CACNA2D1: variants seen among roughly 807,000 people sequenced by gnomAD.
CACNA2D1 encodes the protein voltage-dependent calcium channel subunit alpha-2/delta-1.
In CACNA2D1, 53 loss-of-function variants were observed where a neutral mutation model predicts 171.5. The ratio of observed to expected loss-of-function variants is 0.31; its 90% CI spans 0.25 to 0.39. The LOEUF (loss-of-function observed/expected upper bound fraction) is 0.39, where lower values mean the gene tolerates loss of function less well. Ranked by LOEUF, CACNA2D1 falls within the 10% of genes least tolerant of loss-of-function variation. The pLI, the probability that CACNA2D1 is intolerant of heterozygous loss-of-function variation, is 1.00. For synonymous variants in CACNA2D1, 442 were observed against 443.1 expected, an observed-to-expected ratio of 1.00 and a Z score of 0.03; for missense variants, 903 against 1,299.8, an observed-to-expected ratio of 0.69 and a Z score of 4.69.
At chr7:82,328,915 A>C (rs934803770) in intron 3 of CACNA2D1, among the ~76,000 whole-genome samples, 6 of 152,116 alleles carry the variant, frequency 3.9e-5, no homozygotes, top group African/African-American at 1.2e-4. Context: ...AAACATGATA[A>C]ATTTTGTATT....
intron 8 of CACNA2D1, 61 bp downstream of exon 8, chr7:82,066,394 T>C: frequency 2.5e-6 from 4 of 1,592,808 alleles, no homozygotes; most frequent in Non-Finnish European, 3.4e-6. Flanking sequence ...ATTCTGACTT[T>C]TTAGCAAATA....
At chr7:82,037,019 T>C (rs182437396) in intron 11 of CACNA2D1, among the ~76,000 whole-genome samples, 70 of 152,268 alleles carry the variant, frequency 4.6e-4, no homozygotes, top group Non-Finnish European at 8.4e-4. Context: ...CTCTAATGCA[T>C]ACAAGTGGAA....
At chr7:81,976,099 A>G (rs1335077175) in intron 24 of CACNA2D1, among the ~76,000 whole-genome samples, 1 of 152,060 alleles carries the variant, frequency 6.6e-6, no homozygotes, top group East Asian at 1.9e-4. Flanking sequence ...TAGCACTTCT[A>G]GTTTTATCAC....
intron 1 of CACNA2D1, among the ~76,000 whole-genome samples, chr7:82,375,106 G>C (rs928511118): frequency 8.5e-5 from 13 of 152,102 alleles, no homozygotes; most frequent in Admixed American, 2.6e-4. Context: ...ACTCCCTCCT[G>C]GAGTCAGAGA....
chr7:82,397,492 TAAC>T (rs571192419), intron 1 of CACNA2D1, among the ~76,000 whole-genome samples: 13 of 152,194 alleles, frequency 8.5e-5, no homozygotes, highest in Non-Finnish European at 1.9e-4. Context: ...TGATTATTCT[TAAC>T]AATATTCATT....
At chr7:82,292,624 A>T (rs537866566) in intron 3 of CACNA2D1, among the ~76,000 whole-genome samples, 25 of 152,282 alleles carry the variant, frequency 1.6e-4, no homozygotes, top group African/African-American at 5.5e-4. Flanking sequence ...GTTATTAAAA[A>T]GTCTACTGCC....
chr7:81,957,863 A>C (rs973674742), intron 38 of CACNA2D1, among the ~76,000 whole-genome samples: 5 of 152,094 alleles, frequency 3.3e-5, no homozygotes, highest in Admixed American at 2.0e-4. Context: ...AGCCTCCTAG[A>C]ATAATATTTT....
At chr7:82,141,244 G>T (rs771887312) in intron 4 of CACNA2D1, among the ~76,000 whole-genome samples, 4 of 151,948 alleles carry the variant, frequency 2.6e-5, no homozygotes, top group Non-Finnish European at 5.9e-5. Context: ...TAACAGAATT[G>T]GGAAAGGACA....
chr7:82,272,320 T>A (rs1808742199), intron 3 of CACNA2D1, among the ~76,000 whole-genome samples: 1 of 152,142 alleles, frequency 6.6e-6, no homozygotes, highest in Non-Finnish European at 1.5e-5. Context: ...ATAGTTGTAG[T>A]CATGTGTTCA....
intron 1 of CACNA2D1, among the ~76,000 whole-genome samples, chr7:82,357,940 C>A (rs556580308): frequency 1.3e-5 from 2 of 151,662 alleles, no homozygotes; most frequent in Admixed American, 6.6e-5. Context: ...CTGTACCACT[C>A]GGAGCCCTAT....
rs1161359465 is a variant in CACNA2D1 at position 81,949,823 on chromosome 7, G to C, written c.*569C>G. 6.6e-6 allele frequency: 1 copy of C among 152,388 alleles called. No homozygotes were observed. The highest frequency in any genetic ancestry group is 6.5e-5 in the Admixed American group (1 of 15,304). 9.4% of individuals were successfully genotyped at this position (152,388 alleles called of 1,614,324 possible). On this transcript the variant is annotated 3_prime_UTR_variant, in exon 39 of 39. Transcript: ENST00000356860. ...TTGGCAAAGAAGCCGTTCTTCATAAGGCATTTTATTCATGGCAAATTTTTC... is the reference window on the plus strand; with the variant it reads ...TTGGCAAAGAAGCCGTTCTTCATAACGCATTTTATTCATGGCAAATTTTTC...
At chr7:82,150,385 ATC>A (rs1454700564) in intron 4 of CACNA2D1, among the ~76,000 whole-genome samples, 2 of 149,352 alleles carry the variant, frequency 1.3e-5, no homozygotes, top group East Asian at 3.9e-4. Flanking sequence ...TTAAAGAGCC[ATC>A]TCTCTTATTC....
intron 1 of CACNA2D1, among the ~76,000 whole-genome samples, chr7:82,422,223 G>T: frequency 6.6e-6 from 1 of 152,022 alleles, no homozygotes; most frequent in Non-Finnish European, 1.5e-5. Context: ...AACTATAATG[G>T]TCACCAAGGT....
At chr7:82,118,357 C>T (rs1789321375) in intron 5 of CACNA2D1, among the ~76,000 whole-genome samples, 1 of 149,148 alleles carries the variant, frequency 6.7e-6, no homozygotes, top group South Asian at 2.1e-4. Flanking sequence ...TCTACCCTAA[C>T]TGTATTTGTT....
At chr7:82,191,716 G>A (rs927694168) in intron 3 of CACNA2D1, among the ~76,000 whole-genome samples, 2 of 151,812 alleles carry the variant, frequency 1.3e-5, no homozygotes, top group Non-Finnish European at 3.0e-5. Flanking sequence ...AGAGGCATAC[G>A]TGTGTATGTG....
intron 3 of CACNA2D1, among the ~76,000 whole-genome samples, chr7:82,321,260 A>G (rs1372441910): frequency 1.3e-5 from 2 of 151,972 alleles, no homozygotes; most frequent in African/African-American, 2.4e-5. Flanking sequence ...TTAGCCCGGC[A>G]TGGTGGTGCG....
intron 4 of CACNA2D1, among the ~76,000 whole-genome samples, chr7:82,166,052 A>T (rs38539): frequency 6.6e-6 from 1 of 151,990 alleles, no homozygotes; most frequent in South Asian, 2.1e-4. Context: ...ATATTCAAAA[A>T]TGTTTCTGCT....
intron 38 of CACNA2D1, 127 bp from the exon 39 acceptor site, chr7:81,950,635 CTGTAAT>C: frequency 7.7e-7 from 1 of 1,307,022 alleles, no homozygotes; most frequent in South Asian, 1.5e-5. Context: ...TATAAAACTG[CTGTAAT>C]TGAAATCCAA....
At chr7:82,140,683 C>T (rs550008514) in intron 4 of CACNA2D1, among the ~76,000 whole-genome samples, 10 of 152,032 alleles carry the variant, frequency 6.6e-5, no homozygotes, top group South Asian at 2.1e-4. Flanking sequence ...TGGCTGGGCG[C>T]GGTGGCTCAT....
Sources: gnomAD v4.1 joint callset for allele counts (sites outside exome capture counted in the v4.1 genomes callset) on GRCh38, gnomAD v4.1.1 for gene constraint, MANE v1.5 for transcripts, NCBI Gene and HGNC (gene_info 2026-07-23, HGNC 2026-07-21) for gene names.